The following QRSL1 variants were observed in gnomAD, a reference collection of about 807,000 sequenced individuals.
QRSL1 encodes the protein glutaminyl-tRNA amidotransferase subunit QRSL1.
A neutral mutation model predicts 61.6 loss-of-function variants in QRSL1; 54 were observed. The ratio of observed to expected loss-of-function variants is 0.88; its 90% CI spans 0.70 to 1.10. The LOEUF (loss-of-function observed/expected upper bound fraction) is 1.10, where lower values mean the gene tolerates loss of function less well. Ranked by LOEUF, QRSL1 falls within the 50% of genes least tolerant of loss-of-function variation. The pLI, the probability that QRSL1 is intolerant of heterozygous loss-of-function variation, is 0.00. For synonymous variants in QRSL1, 228 were observed against 225.7 expected (o/e 1.01, Z -0.09); for missense variants, 505 against 622.6 (o/e 0.81, Z 2.01).
Position 106,629,609 on chromosome 6 carries a change from A to C in QRSL1, c.-73A>C. The C allele has an allele frequency of 2.6e-6, 4 of 1,541,786 alleles. No individual in the cohort carries two copies. Among genetic ancestry groups the C allele is most frequent in the Non-Finnish European group, 2.6e-6 (3 of 1,139,784 alleles). On this transcript the variant is annotated 5_prime_UTR_variant, in exon 1 of 11. It removes the in-frame stop codon of an upstream open reading frame in the 5' UTR. Coordinates refer to ENST00000369046, the MANE Select transcript of QRSL1 (RefSeq NM_018292.5). ...AATTAAAGATGGCTGCGCCCATGTA[A>C]CATCACTAGCGACCGGTGACCTCTT...
At position 106,640,053 on chromosome 6, in the gene QRSL1, C is replaced by G. The variant is rs77430652; in HGVS notation, c.25-296C>G. On this transcript the variant is annotated intron_variant, in intron 1 of 10. Coordinates refer to ENST00000369046, the MANE Select transcript of QRSL1 (RefSeq NM_018292.5). ...CCTTCACCCATGCTGGGCCTCAACTCCCCCTGGACAGGATGGTTTACCTAA... is the reference window on the plus strand; with the variant it reads ...CCTTCACCCATGCTGGGCCTCAACTGCCCCTGGACAGGATGGTTTACCTAA... 1.4e-3 allele frequency: 319 copies of G among 234,054 alleles called. 2 individuals carry two copies. Among genetic ancestry groups the G allele is most frequent in the African/African-American group, 7.0e-3 (303 of 43,376 alleles). 14.5% of individuals were successfully genotyped at this position (234,054 alleles called of 1,614,324 possible).
At chr6:106,640,633 G>A in intron 2 of QRSL1, 125 bp downstream of exon 2, 1 of 1,027,414 alleles carries the variant, frequency 9.7e-7, no homozygotes, top group East Asian at 2.6e-5. Flanking sequence ...AACTTGCCAT[G>A]AGGATAATAA....
intron 9 of QRSL1, among the ~76,000 whole-genome samples, chr6:106,656,923 A>G (rs1777280657): frequency 6.6e-6 from 1 of 152,166 alleles, no homozygotes; most frequent in South Asian, 2.1e-4. Context: ...TCCAAAGTGC[A>G]GGTGTTACAG....
chr6:106,630,714 T>C lies in QRSL1; in HGVS notation c.24+1009T>C, dbSNP rs145244844. ...GCTCCAGGTGATTTCTGGTAAGAAG[T>C]AGGCGCTGATGACCTAAACTGCCTT... is the stretch of plus-strand genomic sequence containing the variant. On this transcript the variant is annotated intron_variant, in intron 1 of 10. Coordinates refer to ENST00000369046, the MANE Select transcript of QRSL1 (RefSeq NM_018292.5). 3.4e-3 allele frequency among the ~76,000 whole-genome samples: 514 copies of C among 152,298 alleles called. 5 individuals are homozygous for C. The highest frequency in any genetic ancestry group is 0.012 in the African/African-American group (482 of 41,566).
intron 3 of QRSL1, 74 bp from the exon 4 acceptor site, chr6:106,642,920 A>G (rs1777045238): frequency 9.5e-7 from 1 of 1,048,676 alleles, no homozygotes; most frequent in Non-Finnish European, 1.5e-6. Context: ...CTGTGAATTC[A>G]TGGCATAATA....
intron 8 of QRSL1, 30 bp downstream of exon 8, chr6:106,654,952 G>C (rs1482845200): frequency 1.3e-5 from 19 of 1,512,468 alleles, no homozygotes; most frequent in Non-Finnish European, 1.7e-5. Flanking sequence ...TTATTTTTAA[G>C]GTAGTTGTCG....
intron 1 of QRSL1, among the ~76,000 whole-genome samples, chr6:106,630,899 C>T (rs1288356047): frequency 6.6e-6 from 1 of 152,224 alleles, no homozygotes; most frequent in Admixed American, 6.5e-5. Flanking sequence ...ATTATGTTAT[C>T]ATTTTAAATT....
At chr6:106,654,679 A>G (rs372922727) in intron 7 of QRSL1, 51 bp from the exon 8 acceptor site, 48 of 1,473,534 alleles carry the variant, frequency 3.3e-5, no homozygotes, top group East Asian at 7.1e-5. Context: ...ACAAATTTTT[A>G]TAAAATAATC....
At chr6:106,665,707 CA>C in intron 10 of QRSL1, 74 bp from the exon 11 acceptor site, 1 of 1,226,260 alleles carries the variant, frequency 8.2e-7, no homozygotes, top group South Asian at 1.2e-5. Flanking sequence ...TACTTATTAG[CA>C]CTGGAAAGTG....
At chr6:106,638,952 A>G (rs1457777433) in intron 1 of QRSL1, among the ~76,000 whole-genome samples, 2 of 152,118 alleles carry the variant, frequency 1.3e-5, no homozygotes. Context: ...TAAGCTTCCA[A>G]TAGAGTAGAG....
At chr6:106,632,914 C>T (rs1776860812) in intron 1 of QRSL1, among the ~76,000 whole-genome samples, 1 of 152,150 alleles carries the variant, frequency 6.6e-6, no homozygotes, top group African/African-American at 2.4e-5. Context: ...TGCGTGAGAA[C>T]CCTCTCTTCT....
chr6:106,635,484 G>T lies in QRSL1; in HGVS notation c.25-4865G>T, dbSNP rs541152068. ...AAGAAGGCAAAAGCATGAATGGACTGTGTTAAAGAGAGGATGAGTACCCAT... is the reference window on the plus strand; with the variant it reads ...AAGAAGGCAAAAGCATGAATGGACTTTGTTAAAGAGAGGATGAGTACCCAT... On this transcript the variant is annotated intron_variant, in intron 1 of 10. Transcript: ENST00000369046. 4.5e-4 allele frequency among the ~76,000 whole-genome samples: 68 copies of T among 152,328 alleles called. 3 individuals carry two copies. In the South Asian group the frequency reaches 0.012, roughly 27 times the overall value.
chr6:106,650,548 TTGATTTGTTTA>T (rs1777175912), intron 5 of QRSL1, among the ~76,000 whole-genome samples: 1 of 151,774 alleles, frequency 6.6e-6, no homozygotes, highest in Admixed American at 6.6e-5. Flanking sequence ...TTACCCCTTT[TTGATTTGTTTA>T]CCCCTTTTTG....
In QRSL1 at chr6:106,667,617, TTCA is replaced by T. The variant is rs1156815746; in HGVS notation, c.*1618_*1620del. 5.3e-5 allele frequency: 8 copies of T among 152,196 alleles called. No homozygotes were observed. Among genetic ancestry groups the T allele is most frequent in the Admixed American group, 2.6e-4 (4 of 15,278 alleles). The allele number at this position is 152,196 out of a possible 1,614,324, so 9.4% of individuals were successfully genotyped here. ...ATCATCTGCAGAACCACTGGAATGTTTCATCGTCACCTGTTAGTTTTCATAAAC... is the reference window on the plus strand; with the variant it reads ...ATCATCTGCAGAACCACTGGAATGTTTCGTCACCTGTTAGTTTTCATAAAC... On this transcript the variant is annotated 3_prime_UTR_variant, in exon 11 of 11. Transcript: ENST00000369046.
intron 5 of QRSL1, among the ~76,000 whole-genome samples, chr6:106,651,145 T>C (rs1041458035): frequency 1.3e-5 from 2 of 152,190 alleles, no homozygotes; most frequent in Non-Finnish European, 2.9e-5. Flanking sequence ...AGTTATCTCA[T>C]GTACGTGGTG....
chr6:106,635,365 T>C (rs1776903256), intron 1 of QRSL1, among the ~76,000 whole-genome samples: 1 of 152,166 alleles, frequency 6.6e-6, no homozygotes, highest in South Asian at 2.1e-4. Flanking sequence ...TGTTGAATGC[T>C]ACTAAGGAGT....
intron 5 of QRSL1, among the ~76,000 whole-genome samples, chr6:106,651,585 A>G (rs978354218): frequency 6.6e-6 from 1 of 152,202 alleles, no homozygotes; most frequent in Non-Finnish European, 1.5e-5. Flanking sequence ...AGATTTTCAT[A>G]ACAAAGTTAT....
intron 4 of QRSL1, among the ~76,000 whole-genome samples, chr6:106,644,625 A>T (rs1316287451): frequency 6.6e-6 from 1 of 152,032 alleles, no homozygotes; most frequent in Non-Finnish European, 1.5e-5. Flanking sequence ...GGTTCAAGCG[A>T]TTCTCCTGCC....
chr6:106,642,051 T>TTTTG (rs571952071), intron 3 of QRSL1, among the ~76,000 whole-genome samples: 39 of 152,268 alleles, frequency 2.6e-4, no homozygotes, highest in Admixed American at 1.1e-3. Flanking sequence ...ATTTTTTGTT[T>TTTTG]TTTGTTTGTT....
Sources: gnomAD v4.1 joint callset for allele counts (sites outside exome capture counted in the v4.1 genomes callset) on GRCh38, gnomAD v4.1.1 for gene constraint, MANE v1.5 for transcripts, NCBI Gene and HGNC (gene_info 2026-07-23, HGNC 2026-07-21) for gene names.